Variants in ADAM29 observed in about 807,000 individuals in gnomAD.
ADAM29 encodes the protein disintegrin and metalloproteinase domain-containing protein 29.
For missense variants in ADAM29, 969 were observed against 1,001.8 expected, an observed-to-expected ratio of 0.97 and a Z score of 0.44; for synonymous variants, 367 against 342.3, an observed-to-expected ratio of 1.07 and a Z score of -0.80.
chr4:174,975,451 C>G lies in ADAM29; in HGVS notation c.-75C>G, dbSNP rs1461805896. On this transcript the variant is annotated 5_prime_UTR_variant, in exon 5 of 5. Coordinates refer to ENST00000359240, the MANE Select transcript of ADAM29 (RefSeq NM_014269.4). The stretch of plus-strand genomic sequence containing the variant: ...GGAGCCACACCACCTGTGACTCCAG[C>G]CCTGACTTCTGCTCTGGACCAGTGT... 1.4e-6 allele frequency: 2 copies of G among 1,421,056 alleles called. No homozygotes were observed. The highest frequency in any genetic ancestry group is 2.9e-5 in the African/African-American group (2 of 70,146). 88.0% of individuals were successfully genotyped at this position (1,421,056 alleles called of 1,614,324 possible).
rs893775055 is a variant in ADAM29 at position 174,969,435 on chromosome 4, G to T, written c.-180-5911G>T. Among the ~76,000 whole-genome samples, 53 of 151,378 alleles carry T rather than the reference G, an allele frequency of 3.5e-4. 1 individual carries two copies. The highest frequency in any genetic ancestry group is 4.4e-5 in the Non-Finnish European group (3 of 67,822). Reference sequence around the variant, plus strand: ...TCACTTAAAAAATATCTTTTTTTCTGATTATAAATTGAATTTATATGTATT... The same window carrying T: ...TCACTTAAAAAATATCTTTTTTTCTTATTATAAATTGAATTTATATGTATT... On this transcript the variant is annotated intron_variant, in intron 4 of 4. Coordinates refer to ENST00000359240, the MANE Select transcript of ADAM29 (RefSeq NM_014269.4).
chr4:174,923,519 TTATATGTATATATATATATA>T (rs1251674035), intron 2 of ADAM29, among the ~76,000 whole-genome samples: 2 of 36,732 alleles, frequency 5.4e-5, no homozygotes, highest in Non-Finnish European at 7.0e-5. Flanking sequence ...ATACTGTGCA[TTATATGTATATATATATATA>T]TATATATATA....
intron 4 of ADAM29, among the ~76,000 whole-genome samples, chr4:174,941,628 C>T (rs1007971061): frequency 6.6e-6 from 1 of 152,058 alleles, no homozygotes; most frequent in African/African-American, 2.4e-5. Flanking sequence ...AAGTTCACCC[C>T]CATGATCAAA....
intron 4 of ADAM29, among the ~76,000 whole-genome samples, chr4:174,951,648 G>A (rs564807319): frequency 1.1e-4 from 17 of 152,230 alleles, no homozygotes; most frequent in Middle Eastern, 3.4e-3. Context: ...GCAGGATAAT[G>A]CCTGGCACAC....
intron 3 of ADAM29, among the ~76,000 whole-genome samples, chr4:174,935,396 G>T (rs974525745): frequency 2.0e-5 from 3 of 151,984 alleles, no homozygotes; most frequent in Non-Finnish European, 2.9e-5. Flanking sequence ...GGACACTTTT[G>T]GGACACTATG....
intron 4 of ADAM29, among the ~76,000 whole-genome samples, chr4:174,965,512 T>TATCTATC (rs1553977756): frequency 6.6e-6 from 1 of 151,766 alleles, no homozygotes; most frequent in African/African-American, 2.4e-5. Context: ...TCTATCTATC[T>TATCTATC]ATCTATCTAT....
At chr4:174,951,634 G>A (rs1179178368) in intron 4 of ADAM29, among the ~76,000 whole-genome samples, 1 of 152,090 alleles carries the variant, frequency 6.6e-6, no homozygotes, top group Non-Finnish European at 1.5e-5. Flanking sequence ...TATATATCAA[G>A]AATGCAGGAT....
intron 1 of ADAM29, among the ~76,000 whole-genome samples, chr4:174,919,842 A>G (rs1411664740): frequency 6.6e-6 from 1 of 152,182 alleles, no homozygotes; most frequent in Non-Finnish European, 1.5e-5. Flanking sequence ...AGTGACATTT[A>G]TCATATTCAA....
In ADAM29 at chr4:174,976,866, G is replaced by A. The variant is rs376303644; in HGVS notation, c.1341G>A (p.Lys447=). The stretch of plus-strand genomic sequence containing the variant: ...TTGGGCTTTGTTGCAAAGACTGCAA[G>A]TTCCTACCATCAGGGAAAGTGTGTA... ...CAFGLCCKDC[K]FLPSGKVCRK... is the part of the protein sequence containing the mutation. Residue 447 remains lysine (K), a synonymous_variant, in exon 5 of 5, where the codon AAG becomes AAA. Transcript: ENST00000359240. 2.3e-5 allele frequency: 37 copies of A among 1,614,084 alleles called. No individual in the cohort carries two copies. Among genetic ancestry groups the A allele is most frequent in the Non-Finnish European group, 2.8e-5 (33 of 1,180,044 alleles).
At chr4:174,934,247 G>A (rs907015417) in intron 3 of ADAM29, among the ~76,000 whole-genome samples, 1 of 151,900 alleles carries the variant, frequency 6.6e-6, no homozygotes, top group Non-Finnish European at 1.5e-5. Flanking sequence ...CATATGACAA[G>A]TCTATTTTTA....
chr4:174,923,078 T>A (rs1018362512), intron 2 of ADAM29, among the ~76,000 whole-genome samples: 4 of 152,008 alleles, frequency 2.6e-5, no homozygotes, highest in African/African-American at 9.7e-5. Flanking sequence ...TTTTTTGAGA[T>A]GCAGTCTCAC....
chr4:174,945,872 C>T (rs1482667524), intron 4 of ADAM29, among the ~76,000 whole-genome samples: 1 of 152,150 alleles, frequency 6.6e-6, no homozygotes, highest in Non-Finnish European at 1.5e-5. Context: ...TGCACCAGTA[C>T]CATGCCATTT....
intron 4 of ADAM29, among the ~76,000 whole-genome samples, chr4:174,947,836 T>G (rs1223386033): frequency 6.6e-6 from 1 of 152,230 alleles, no homozygotes; most frequent in Non-Finnish European, 1.5e-5. Context: ...TACTGTCAAT[T>G]GGAGGTGAAG....
At chr4:174,967,794 A>G (rs1485923340) in intron 4 of ADAM29, among the ~76,000 whole-genome samples, 1 of 152,234 alleles carries the variant, frequency 6.6e-6, no homozygotes, top group Non-Finnish European at 1.5e-5. Flanking sequence ...TTCATAAACA[A>G]ACACTGAATT....
At chr4:174,945,361 T>A (rs1307059947) in intron 4 of ADAM29, among the ~76,000 whole-genome samples, 6 of 152,174 alleles carry the variant, frequency 3.9e-5, no homozygotes, top group African/African-American at 1.2e-4. Flanking sequence ...TACTTGCTAA[T>A]CTGCTTAATT....
chr4:174,922,488 A>T (rs912176321), intron 2 of ADAM29, among the ~76,000 whole-genome samples: 4 of 152,132 alleles, frequency 2.6e-5, no homozygotes, highest in Admixed American at 2.6e-4. Context: ...ATTCTTCTGA[A>T]CTGCTGAAGC....
At chr4:174,971,129 C>T (rs1049678937) in intron 4 of ADAM29, among the ~76,000 whole-genome samples, 1 of 152,020 alleles carries the variant, frequency 6.6e-6, no homozygotes, top group African/African-American at 2.4e-5. Context: ...AATTAAAAGT[C>T]ATTATTACTG....
intron 4 of ADAM29, among the ~76,000 whole-genome samples, chr4:174,949,401 C>T (rs904129751): frequency 1.1e-4 from 16 of 152,308 alleles, no homozygotes; most frequent in Middle Eastern, 3.4e-3. Flanking sequence ...CTAAGCAGAT[C>T]TTTCTGCCAG....
At chr4:174,938,066 C>T (rs536419116) in intron 4 of ADAM29, among the ~76,000 whole-genome samples, 6 of 151,962 alleles carry the variant, frequency 3.9e-5, no homozygotes, top group South Asian at 4.2e-4. Context: ...GGAAATATTC[C>T]GACTAGCTAT....
Sources: allele counts gnomAD v4.1 joint callset (sites outside exome capture counted in the v4.1 genomes callset), GRCh38; gene constraint gnomAD v4.1.1; transcripts MANE v1.5; gene names NCBI Gene and HGNC (gene_info 2026-07-23, HGNC 2026-07-21).